Variants in SLC67A1 observed in about 807,000 individuals in gnomAD.
SLC67A1 encodes the protein solute carrier family 67 member A1.
the SLC67A1 span, among the ~76,000 whole-genome samples, chr11:2,913,180 C>A: frequency 6.6e-6 from 1 of 152,154 alleles, no homozygotes; most frequent in East Asian, 1.9e-4. Flanking sequence ...ATATGGGCGA[C>A]CCAGGCCCGC....
At chr11:2,915,720 C>T in the SLC67A1 span, among the ~76,000 whole-genome samples, 2 of 152,164 alleles carry the variant, frequency 1.3e-5, no homozygotes, top group Non-Finnish European at 2.9e-5. Flanking sequence ...GAGAGGAAGG[C>T]CGTGGCGGTC....
the SLC67A1 span, among the ~76,000 whole-genome samples, chr11:2,923,252 G>A: frequency 6.6e-6 from 1 of 152,122 alleles, no homozygotes; most frequent in Non-Finnish European, 1.5e-5. This position sits in a 1 kb window ranked among gnomAD's most constrained non-coding sequence, Gnocchi z 6.5. Flanking sequence ...GATTCTTCCA[G>A]GCCTCCCCAG....
the SLC67A1 span, among the ~76,000 whole-genome samples, chr11:2,923,393 T>C: frequency 2.5e-5 from 1 of 39,616 alleles, no homozygotes; most frequent in African/African-American, 1.1e-4. This position sits in a 1 kb window ranked among gnomAD's most constrained non-coding sequence, Gnocchi z 6.5. Flanking sequence ...AGGCAGCAGA[T>C]CCAGAAACTC....
At chr11:2,924,027 G>A in the SLC67A1 span, among the ~76,000 whole-genome samples, 3 of 152,316 alleles carry the variant, frequency 2.0e-5, no homozygotes, top group East Asian at 5.8e-4. This position sits in a 1 kb window ranked among gnomAD's most constrained non-coding sequence, Gnocchi z 8.6. Flanking sequence ...AGTCCCTGGA[G>A]CCAGAGACCC....
the SLC67A1 span, among the ~76,000 whole-genome samples, chr11:2,903,912 C>G: frequency 2.0e-5 from 3 of 152,232 alleles, no homozygotes; most frequent in African/African-American, 7.2e-5. Flanking sequence ...TCTATCTCTC[C>G]CCTCCATCTT....
the SLC67A1 span, among the ~76,000 whole-genome samples, chr11:2,922,875 C>A: frequency 3.3e-5 from 5 of 152,174 alleles, no homozygotes; most frequent in Non-Finnish European, 7.4e-5. Flanking sequence ...CCTGCCAGGC[C>A]TGGAGGCCCC....
the SLC67A1 span, chr11:2,921,608 C>T: frequency 7.1e-6 from 1 of 141,692 alleles, no homozygotes; most frequent in African/African-American, 2.8e-5. Flanking sequence ...CCTGTCCCAC[C>T]GAGCCCATCC....
the SLC67A1 span, chr11:2,916,918 G>A: frequency 8.0e-6 from 5 of 621,256 alleles, no homozygotes; most frequent in East Asian, 8.5e-5. Flanking sequence ...CAAGTGAGGT[G>A]TGGTCATGAA....
chr11:2,902,461 G>A, the SLC67A1 span: 2 of 378,232 alleles, frequency 5.3e-6, no homozygotes, highest in South Asian at 1.1e-4. Flanking sequence ...CCCCTGACGT[G>A]CCTGCTGCGG....
the SLC67A1 span, among the ~76,000 whole-genome samples, chr11:2,901,314 C>T: frequency 6.6e-6 from 1 of 152,266 alleles, no homozygotes; most frequent in Non-Finnish European, 1.5e-5. Context: ...GCTCTGGCCC[C>T]CCTGCCCACC....
the SLC67A1 span, chr11:2,919,874 G>A: frequency 8.2e-3 from 1,283 of 156,970 alleles, 18 homozygotes; most frequent in African/African-American, 0.029. Context: ...AGCCCTCAGA[G>A]GCCACACTGT....
At chr11:2,910,691 G>A in the SLC67A1 span, among the ~76,000 whole-genome samples, 6 of 152,048 alleles carry the variant, frequency 3.9e-5, no homozygotes, top group African/African-American at 1.4e-4. Context: ...AGGGGACCGT[G>A]ATGAGAGAAA....
the SLC67A1 span, chr11:2,916,475 C>A: frequency 5.3e-4 from 343 of 651,004 alleles, no homozygotes; most frequent in Non-Finnish European, 8.0e-4. Context: ...GGGTCCCAGT[C>A]CCCACTCTTT....
chr11:2,909,255 C>G, the SLC67A1 span: 1 of 1,538,146 alleles, frequency 6.5e-7, no homozygotes, highest in Non-Finnish European at 8.7e-7. Flanking sequence ...GCTGCCTTGG[C>G]GCTCTACCTG....
chr11:2,916,332 C>T, the SLC67A1 span: 1 of 395,164 alleles, frequency 2.5e-6, no homozygotes, highest in Non-Finnish European at 4.5e-6. Flanking sequence ...GCCACCTGCC[C>T]CAGGCGCTCA....
At chr11:2,909,444 C>A in the SLC67A1 span, 2 of 1,393,028 alleles carry the variant, frequency 1.4e-6, no homozygotes, top group Non-Finnish European at 9.3e-7. Context: ...GGTCTGCGTG[C>A]GCGCGGGGTC....
At chr11:2,919,526 A>T in the SLC67A1 span, 1 of 727,530 alleles carries the variant, frequency 1.4e-6, no homozygotes, top group Non-Finnish European at 2.4e-6. Flanking sequence ...CCCATCTGGC[A>T]CATGTCAGGG....
At chr11:2,917,966 C>T in the SLC67A1 span, 2 of 1,597,260 alleles carry the variant, frequency 1.3e-6, no homozygotes, top group Non-Finnish European at 1.7e-6. Flanking sequence ...CTTTGCAGGC[C>T]TGAATGGCCT....
the SLC67A1 span, among the ~76,000 whole-genome samples, chr11:2,914,509 A>G: frequency 1.3e-5 from 2 of 152,100 alleles, no homozygotes; most frequent in Non-Finnish European, 2.9e-5. Context: ...GGGGAAGGAC[A>G]GCCTGCGTCT....
Sources: allele counts gnomAD v4.1 joint callset (sites outside exome capture counted in the v4.1 genomes callset), GRCh38; gene constraint gnomAD v4.1.1; non-coding constraint Gnocchi (gnomAD v3.1); transcripts MANE v1.5; gene names NCBI Gene and HGNC (gene_info 2026-07-23, HGNC 2026-07-21).